PCDHGB6: variants seen among roughly 807,000 people sequenced by gnomAD.
The protein encoded by PCDHGB6 is protocadherin gamma subfamily B, 6.
Under a neutral mutation model 59.1 loss-of-function variants are expected in PCDHGB6, and 51 were observed. The observed-to-expected ratio is 0.86, with a 90% CI of 0.69 to 1.09. PCDHGB6 has a LOEUF of 1.09. Among genes scored for constraint, PCDHGB6 ranks in the 50% least tolerant of loss-of-function variants. The probability of loss-of-function intolerance (pLI) is 0.00; values close to 1 mark genes in which losing one functional copy is unlikely to be tolerated. For synonymous variants in PCDHGB6, 466 were observed against 495.1 expected (o/e 0.94, Z 0.78); for missense variants, 1,148 against 1,205.1 (o/e 0.95, Z 0.70).
Position 141,477,256 on chromosome 5 carries a change from T to G in PCDHGB6, c.2419-17551T>G. 2 of 1,614,210 alleles carry G rather than the reference T, an allele frequency of 1.2e-6. No homozygotes were observed. The highest frequency in any genetic ancestry group is 1.7e-6 in the Non-Finnish European group (2 of 1,180,038). On this transcript the variant is annotated intron_variant, in intron 1 of 3. Coordinates refer to ENST00000520790, the MANE Select transcript of PCDHGB6 (RefSeq NM_018926.3). This position sits in a 1 kb window ranked among gnomAD's most constrained non-coding sequence, Gnocchi z 4.9. Reference sequence around the variant, plus strand: ...CTTTGCTCAGTGTGACTGACCTGGATGCTGGCGAGAACGGGCTGGTGACCT... The same window carrying G: ...CTTTGCTCAGTGTGACTGACCTGGAGGCTGGCGAGAACGGGCTGGTGACCT...
intron 1 of PCDHGB6, chr5:141,441,697 C>T: frequency 6.5e-6 from 2 of 307,306 alleles, no homozygotes; most frequent in Non-Finnish European, 1.3e-5. Flanking sequence ...CAGCCGCGAG[C>T]CTTCAAGCTC....
Position 141,491,676 on chromosome 5 carries a change from T to C in PCDHGB6, c.2419-3131T>C. On this transcript the variant is annotated intron_variant, in intron 1 of 3. Coordinates refer to ENST00000520790, the MANE Select transcript of PCDHGB6 (RefSeq NM_018926.3). The surrounding 1 kb of genome is among the most constrained non-coding windows in gnomAD (Gnocchi z 6.9). ...AGCCTGACGCCATCCGGTCCCGCTC[T>C]AATACGCTGCGGGAGCGGAGCCAGG... 3.1e-6 allele frequency: 5 copies of C among 1,613,546 alleles called. No individual in the cohort carries two copies. Among genetic ancestry groups the C allele is most frequent in the Non-Finnish European group, 4.2e-6 (5 of 1,179,848 alleles).
chr5:141,476,551 C>A lies in PCDHGB6; in HGVS notation c.2419-18256C>A, dbSNP rs367700651. 6.2e-7 allele frequency: 1 copy of A among 1,614,196 alleles called. No individual in the cohort carries two copies. The highest frequency in any genetic ancestry group is 1.7e-5 in the Admixed American group (1 of 60,028). ...CCCAGGAAATGAAATTGGAGATTAG[C>A]GAGGCCGTGGCTCCGGGGACGCGCT... On this transcript the variant is annotated intron_variant, in intron 1 of 3. Transcript: ENST00000520790. This position sits in a 1 kb window ranked among gnomAD's most constrained non-coding sequence, Gnocchi z 7.6.
Position 141,422,887 on chromosome 5 carries a change from C to G in PCDHGB6, c.2418+12267C>G, listed in dbSNP as rs2154549815. ...CAACGTGTCGCTGAGCCTGTTCGTG[C>G]TGGACCAGAACGACAATGCGCCCGA... On this transcript the variant is annotated intron_variant, in intron 1 of 3. Coordinates refer to ENST00000520790, the MANE Select transcript of PCDHGB6 (RefSeq NM_018926.3). The G allele has an allele frequency of 2.5e-6, 4 of 1,614,264 alleles. No homozygotes were observed. In the Middle Eastern group the frequency reaches 4.9e-4, roughly 200 times the overall value.
In PCDHGB6 at chr5:141,422,020, G is replaced by T. The variant is rs374562798; in HGVS notation, c.2418+11400G>T. The T allele has an allele frequency of 1.3e-5, 21 of 1,610,932 alleles. No individual in the cohort carries two copies. The East Asian group carries it at 3.8e-4, about 29-fold the overall frequency. On this transcript the variant is annotated intron_variant, in intron 1 of 3. Transcript: ENST00000520790. ...CAGCTCCGGAACTCGGGTGCTGATG[G>T]TTAATGCAACGGATCCAGACGAGGG...
chr5:141,418,990 G>A (rs1029969170), intron 1 of PCDHGB6: 1 of 1,613,784 alleles, frequency 6.2e-7, no homozygotes, highest in African/African-American at 1.3e-5. Flanking sequence ...AAGACTCAGG[G>A]GAAAATGGGG....
rs756706355 is a variant in PCDHGB6 at position 141,486,950 on chromosome 5, G to C, written c.2419-7857G>C. 6.2e-7 allele frequency: 1 copy of C among 1,614,202 alleles called. No homozygotes were observed. Among genetic ancestry groups the C allele is most frequent in the East Asian group, 2.2e-5 (1 of 44,876 alleles). On this transcript the variant is annotated intron_variant, in intron 1 of 3. Coordinates refer to ENST00000520790, the MANE Select transcript of PCDHGB6 (RefSeq NM_018926.3). The surrounding 1 kb of genome is among the most constrained non-coding windows in gnomAD (Gnocchi z 5.0). ...TGGTGCTGGCCACCTAATCACAAAG[G>C]TGACTGCTGTGGACTTGGATTCAGG...
chr5:141,437,831 G>C (rs923199746), intron 1 of PCDHGB6, among the ~76,000 whole-genome samples: 16 of 151,256 alleles, frequency 1.1e-4, no homozygotes, highest in African/African-American at 3.4e-4. Flanking sequence ...TCTGCCTCCT[G>C]GGTTCATGCT....
chr5:141,496,981 T>A (rs928774783), intron 2 of PCDHGB6, among the ~76,000 whole-genome samples: 1 of 150,304 alleles, frequency 6.7e-6, no homozygotes, highest in African/African-American at 2.5e-5. Context: ...AGGTCAGGGG[T>A]TTGAGACCAG....
intron 1 of PCDHGB6, chr5:141,420,219 T>C: frequency 6.2e-7 from 1 of 1,607,100 alleles, no homozygotes. Flanking sequence ...GATAGCATGC[T>C]ACTGGCTAGC....
chr5:141,495,386 G>C (rs2099760934), intron 2 of PCDHGB6, among the ~76,000 whole-genome samples: 1 of 152,214 alleles, frequency 6.6e-6, no homozygotes, highest in Non-Finnish European at 1.5e-5. Context: ...GGACTGGGCG[G>C]GGCATGGAGC....
Position 141,491,902 on chromosome 5 carries a change from G to C in PCDHGB6, c.2419-2905G>C. On this transcript the variant is annotated intron_variant, in intron 1 of 3. Transcript: ENST00000520790. This position sits in a 1 kb window ranked among gnomAD's most constrained non-coding sequence, Gnocchi z 6.9. ...AGGGATGGGGCTCCGAGCACCGGGG[G>C]TGGTGGCGACTGTGGGCGAGGGGAG... 7.0e-7 allele frequency: 1 copy of C among 1,429,002 alleles called. No individual in the cohort carries two copies. Among genetic ancestry groups the C allele is most frequent in the Non-Finnish European group, 9.3e-7 (1 of 1,079,426 alleles). The allele number at this position is 1,429,002 out of a possible 1,614,324, so 88.5% of individuals were successfully genotyped here. A position where few individuals can be genotyped will look rare whatever the true frequency, so the allele number is the denominator to read the frequency against.
rs2099883697 is a variant in PCDHGB6, at chr5:141,511,284, G to T, written c.*111G>T. On this transcript the variant is annotated 3_prime_UTR_variant, in exon 4 of 4. Coordinates refer to ENST00000520790, the MANE Select transcript of PCDHGB6 (RefSeq NM_018926.3). ...AGGGCTAACCCCCAGAATACTGGTA[G>T]GGGCCAAGGCCATGCTCCCCTTGGG... 6.5e-7 allele frequency: 1 copy of T among 1,528,258 alleles called. No homozygotes were observed. Among genetic ancestry groups the T allele is most frequent in the African/African-American group, 1.4e-5 (1 of 72,674 alleles). 94.7% of individuals were successfully genotyped at this position (1,528,258 alleles called of 1,614,324 possible). A position where few individuals can be genotyped will look rare whatever the true frequency, so the allele number is the denominator to read the frequency against.
Position 141,432,038 on chromosome 5 carries a change from C to G in PCDHGB6, c.2418+21418C>G, listed in dbSNP as rs202246871. ...CAACATCACAGTGACCGCCACTGAC[C>G]GGGGAACCCCGCCCCTATCCACGGA... On this transcript the variant is annotated intron_variant, in intron 1 of 3. Transcript: ENST00000520790. This position sits in a 1 kb window ranked among gnomAD's most constrained non-coding sequence, Gnocchi z 6.0. 2 of 1,614,190 alleles carry G rather than the reference C, an allele frequency of 1.2e-6. No homozygotes were observed. The highest frequency in any genetic ancestry group is 8.5e-7 in the Non-Finnish European group (1 of 1,180,032).
chr5:141,475,550 TA>T (rs2099365126), intron 1 of PCDHGB6, among the ~76,000 whole-genome samples: 2 of 152,246 alleles, frequency 1.3e-5, no homozygotes, highest in Non-Finnish European at 2.9e-5. Context: ...AGGGTCCGGC[TA>T]ATTGTCTGTC....
At chr5:141,422,153 AT>A (rs750082013) in intron 1 of PCDHGB6, 4 of 1,575,250 alleles carry the variant, frequency 2.5e-6, no homozygotes, top group Non-Finnish European at 3.4e-6. Context: ...GGGTCTCTGG[AT>A]TTTGAAAAAT....
intron 1 of PCDHGB6, among the ~76,000 whole-genome samples, chr5:141,448,768 G>A (rs544426582): frequency 1.3e-5 from 2 of 151,632 alleles, no homozygotes; most frequent in Non-Finnish European, 2.9e-5. Flanking sequence ...GTGAAACCCC[G>A]TCTGTACTAA....
At chr5:141,436,104 G>A (rs368559994) in intron 1 of PCDHGB6, among the ~76,000 whole-genome samples, 10 of 152,086 alleles carry the variant, frequency 6.6e-5, no homozygotes, top group East Asian at 3.9e-4. Flanking sequence ...AGAAATAGAG[G>A]ACAATGAAAC....
At position 141,490,982 on chromosome 5, in the gene PCDHGB6, G is replaced by T; in HGVS notation, c.2419-3825G>T. ...CACTCAGCCCCCCAGCGTCTCCCTC[G>T]CTCTGCTCCTCCTGGCTCCTTGGTC... On this transcript the variant is annotated intron_variant, in intron 1 of 3. Coordinates refer to ENST00000520790, the MANE Select transcript of PCDHGB6 (RefSeq NM_018926.3). This position sits in a 1 kb window ranked among gnomAD's most constrained non-coding sequence, Gnocchi z 5.4. 1.2e-6 allele frequency: 2 copies of T among 1,613,994 alleles called. No individual in the cohort carries two copies. The highest frequency in any genetic ancestry group is 1.7e-6 in the Non-Finnish European group (2 of 1,180,002).
Sources: allele counts gnomAD v4.1 joint callset (sites outside exome capture counted in the v4.1 genomes callset), GRCh38; gene constraint gnomAD v4.1.1; non-coding constraint Gnocchi (gnomAD v3.1); transcripts MANE v1.5; gene names NCBI Gene and HGNC (gene_info 2026-07-23, HGNC 2026-07-21).